The following ZNF785 variants were observed in gnomAD, a reference collection of about 807,000 sequenced individuals.
ZNF785 encodes zinc finger protein 785.
Under a neutral mutation model 11.3 loss-of-function variants are expected in ZNF785, and 15 were observed. That is an observed-to-expected ratio of 1.32 (90% CI 0.89 to 2.04). ZNF785 has a LOEUF of 2.04. Among genes scored for constraint, ZNF785 ranks in the 30% most tolerant of loss-of-function variants. The pLI, the probability that ZNF785 is intolerant of heterozygous loss-of-function variation, is 0.00. For missense variants in ZNF785, 572 were observed against 560.9 expected (o/e 1.02, Z -0.20); for synonymous variants, 221 against 231.0 (o/e 0.96, Z 0.39).
chr16:30,583,192 C>T lies in ZNF785; in HGVS notation c.586G>A (p.Gly196Arg). The T allele has an allele frequency of 1.9e-6, 3 of 1,614,048 alleles. No homozygotes were observed. The highest frequency in any genetic ancestry group is 1.7e-6 in the Non-Finnish European group (2 of 1,179,998). The change falls in exon 3 of 3, where the codon GGG (glycine) becomes AGG (arginine). Residue 196 changes from glycine (G) to arginine (R), a missense_variant. Physicochemically the swap from Gly to Arg is moderately radical, Grantham distance 125. Transcript: ENST00000395216. ...LLASHQRVHS[G>R]ERPFSCGQCQ... The stretch of plus-strand genomic sequence containing the variant: ...TGGCCGCAGGAGAAGGGCCGCTCCC[C>T]GGAGTGGACCCGCTGGTGGCTGGCC...
In ZNF785 at chr16:30,585,678, C is replaced by G; in HGVS notation, c.-67G>C. ...GGTGGAGATGCTGGCGCTTTCCTGT[C>G]TTTCCTCAGACAAGTCCGTAAGGGA... On this transcript the variant is annotated 5_prime_UTR_variant, in exon 1 of 3. Transcript: ENST00000395216. The surrounding 1 kb of genome is among the most constrained non-coding windows in gnomAD (Gnocchi z 4.0). 1 of 1,443,838 alleles carries G rather than the reference C, an allele frequency of 6.9e-7. No individual in the cohort carries two copies. Among genetic ancestry groups the G allele is most frequent in the Non-Finnish European group, 9.0e-7 (1 of 1,106,088 alleles). The allele number at this position is 1,443,838 out of a possible 1,614,324, so 89.4% of individuals were successfully genotyped here.
Position 30,585,558 on chromosome 16 carries a change from G to A in ZNF785, c.54C>T (p.Pro18=), listed in dbSNP as rs532989031. 7.1e-6 allele frequency: 11 copies of A among 1,558,244 alleles called. No homozygotes were observed. In the East Asian group the frequency reaches 2.2e-4, roughly 30 times the overall value. The change falls in exon 1 of 3, where the codon CCC becomes CCT. Residue 18 remains proline (P), a synonymous_variant. Transcript: ENST00000395216. The surrounding 1 kb of genome is among the most constrained non-coding windows in gnomAD (Gnocchi z 4.0). ...CCGGCCTGCTTTCCCTCGTCCTCCG[G>A]GGCCCGGCCTCCCCGGGTACGTGGG... ...RPAHVPGEAG[P]RRTRESRPGA... is the part of the protein sequence containing the mutation.
At chr16:30,583,751 G>T in intron 2 of ZNF785, 1 of 242,820 alleles carries the variant, frequency 4.1e-6, no homozygotes, top group Non-Finnish European at 7.9e-6. Flanking sequence ...AAGCACTTCA[G>T]GAGGCTGAGG....
downstream of ZNF785, chr16:30,578,713 T>G (rs2051770382): frequency 6.6e-6 from 1 of 152,014 alleles, no homozygotes; most frequent in African/African-American, 2.4e-5. Context: ...TTTTTTTTAG[T>G]AGAGACAGGG....
At position 30,582,787 on chromosome 16, in the gene ZNF785, G is replaced by A. The variant is rs762359046; in HGVS notation, c.991C>T (p.Arg331Trp). 3 of 1,606,776 alleles carry A rather than the reference G, an allele frequency of 1.9e-6. No homozygotes were observed. Among genetic ancestry groups the A allele is most frequent in the Admixed American group, 1.7e-5 (1 of 59,700 alleles). Residue 331 changes from arginine to tryptophan, a missense_variant, in exon 3 of 3, where the codon CGG (arginine) becomes TGG (tryptophan). Physicochemically the swap from Arg to Trp is moderately radical, Grantham distance 101. Transcript: ENST00000395216. Reference protein sequence around the residue: ...FTYSSLLLSHRRIHSDSRPFP... With the variant: ...FTYSSLLLSHWRIHSDSRPFP... The stretch of plus-strand genomic sequence containing the variant: ...GGCCGGCTGTCGGAGTGAATGCGCC[G>A]GTGACTGAGGAGGAGGGAAGAATAG...
chr16:30,584,061 C>T (rs2051857493), intron 2 of ZNF785, among the ~76,000 whole-genome samples: 1 of 151,602 alleles, frequency 6.6e-6, no homozygotes, highest in Non-Finnish European at 1.5e-5. Context: ...AGGAGAATCC[C>T]TGGAACTGGG....
rs766542575 is a variant in ZNF785 at position 30,582,745 on chromosome 16, A to T, written c.1033T>A (p.Cys345Ser). 8 of 1,608,572 alleles carry T rather than the reference A, an allele frequency of 5.0e-6. 1 individual carries two copies. In the South Asian group the frequency reaches 8.8e-5, roughly 18 times the overall value. Reference protein sequence around the residue: ...SDSRPFPCVECGKGFKRKTAL... With the variant: ...SDSRPFPCVESGKGFKRKTAL... ...GTCTTGCGCTTGAAGCCTTTCCCAC[A>T]CTCCACGCAGGGGAAGGGCCGGCTG... Residue 345 changes from cysteine to serine, a missense_variant, in exon 3 of 3, where the codon TGT becomes AGT. Transcript: ENST00000395216.
Position 30,581,476 on chromosome 16 carries a change from A to AG in ZNF785, c.*1083_*1084insC, listed in dbSNP as rs1394005755. 1 of 151,826 alleles carries AG rather than the reference A, an allele frequency of 6.6e-6. No individual in the cohort carries two copies. Among genetic ancestry groups the AG allele is most frequent in the Non-Finnish European group, 1.5e-5 (1 of 67,968 alleles). 9.4% of individuals were successfully genotyped at this position (151,826 alleles called of 1,614,324 possible). On this transcript the variant is annotated 3_prime_UTR_variant, in exon 3 of 3. Transcript: ENST00000395216. ...CTCTGTCTCAAAAAAAAAAAAAAAA[A>AG]AAAGAATCCTCCGGCATTATATCTC...
chr16:30,583,317 C>T lies in ZNF785; in HGVS notation c.461G>A (p.Arg154Lys). ...GAGCCAGGGATTCATGGGGCTCTGCCTAGGGTTGCAGAACTCTGGGCAGGC... is the reference window on the plus strand; with the variant it reads ...GAGCCAGGGATTCATGGGGCTCTGCTTAGGGTTGCAGAACTCTGGGCAGGC... ...SVACPEFCNPRQSPMNPWLKD... is the reference protein window; with the variant it reads ...SVACPEFCNPKQSPMNPWLKD... The change falls in exon 3 of 3, where the codon AGG becomes AAG. Residue 154 changes from arginine (R) to lysine (K), a missense_variant. Physicochemically the swap from Arg to Lys is conservative, Grantham distance 26. Transcript: ENST00000395216. The T allele has an allele frequency of 1.2e-6, 2 of 1,614,012 alleles. No individual in the cohort carries two copies. The highest frequency in any genetic ancestry group is 1.7e-6 in the Non-Finnish European group (2 of 1,179,926).
chr16:30,582,828 C>T lies in ZNF785; in HGVS notation c.950G>A (p.Cys317Tyr), dbSNP rs2051833170. 1.9e-6 allele frequency: 3 copies of T among 1,608,642 alleles called. No individual in the cohort carries two copies. Among genetic ancestry groups the T allele is most frequent in the Non-Finnish European group, 2.5e-6 (3 of 1,176,558 alleles). ...TGEKPYPCPD[C>Y]GRRFTYSSLL... ...GGAAGAATAGGTGAAGCGGCGGCCGCAGTCAGGACAGGGGTAGGGCTTCTC... is the reference window on the plus strand; with the variant it reads ...GGAAGAATAGGTGAAGCGGCGGCCGTAGTCAGGACAGGGGTAGGGCTTCTC... Residue 317 changes from cysteine (C) to tyrosine (Y), a missense_variant, in exon 3 of 3, where the codon TGC becomes TAC. Cys to Tyr is a radical substitution (Grantham distance 194). Coordinates refer to ENST00000395216, the MANE Select transcript of ZNF785 (RefSeq NM_152458.7).
chr16:30,583,251 T>G lies in ZNF785; in HGVS notation c.527A>C (p.Asp176Ala), dbSNP rs745784207. ...AGGGTAGCTGAAGTTGCGGCCACAG[T>G]CTGGGCAAGAGTGGGGCAGTCTTCG... The part of the protein sequence containing the change: ...LTRRLPHSCP[D>A]CGRNFSYPSL... Residue 176 changes from aspartate to alanine, a missense_variant, in exon 3 of 3, where the codon GAC becomes GCC. Coordinates refer to ENST00000395216, the MANE Select transcript of ZNF785 (RefSeq NM_152458.7). 6.2e-7 allele frequency: 1 copy of G among 1,613,832 alleles called. No individual in the cohort carries two copies. Among genetic ancestry groups the G allele is most frequent in the Admixed American group, 1.7e-5 (1 of 60,002 alleles).
intron 2 of ZNF785, among the ~76,000 whole-genome samples, chr16:30,584,380 A>G (rs144449000): frequency 0.021 from 3,144 of 151,600 alleles, 103 homozygotes; most frequent in African/African-American, 0.071. Flanking sequence ...GGTGGGGCAC[A>G]GTGACTTACG....
chr16:30,583,166 C>T lies in ZNF785; in HGVS notation c.612G>A (p.Gln204=). 6.2e-7 allele frequency: 1 copy of T among 1,613,950 alleles called. No homozygotes were observed. Among genetic ancestry groups the T allele is most frequent in the East Asian group, 2.2e-5 (1 of 44,882 alleles). The change falls in exon 3 of 3, where the codon CAG becomes CAA. Residue 204 remains glutamine (Q), a synonymous_variant. Coordinates refer to ENST00000395216, the MANE Select transcript of ZNF785 (RefSeq NM_152458.7). The part of the protein sequence containing the change: ...HSGERPFSCG[Q]CQARFSQRRY... ...TGCGCTGGGAGAAACGCGCCTGACA[C>T]TGGCCGCAGGAGAAGGGCCGCTCCC...
In ZNF785 at chr16:30,585,313, C is replaced by A; in HGVS notation, c.206-63G>T. ...GGAGGGGAGAATGAGACTGCTCCCTCGGCGCCCCGCTTCCAGCCCACTAGC... is the reference window on the plus strand; with the variant it reads ...GGAGGGGAGAATGAGACTGCTCCCTAGGCGCCCCGCTTCCAGCCCACTAGC... On this transcript the variant is annotated intron_variant, in intron 1 of 2. Transcript: ENST00000395216. This position sits in a 1 kb window ranked among gnomAD's most constrained non-coding sequence, Gnocchi z 4.0. 1 of 1,590,632 alleles carries A rather than the reference C, an allele frequency of 6.3e-7. No homozygotes were observed. The highest frequency in any genetic ancestry group is 2.3e-5 in the East Asian group (1 of 44,168).
Position 30,582,756 on chromosome 16 carries a change from G to A in ZNF785, c.1022C>T (p.Pro341Leu). Residue 341 changes from proline to leucine, a missense_variant, in exon 3 of 3, where the codon CCC (proline) becomes CTC (leucine). Physicochemically the swap from Pro to Leu is moderately conservative, Grantham distance 98. Coordinates refer to ENST00000395216, the MANE Select transcript of ZNF785 (RefSeq NM_152458.7). ...RRIHSDSRPF[P>L]CVECGKGFKR... Reference sequence around the variant, plus strand: ...GAAGCCTTTCCCACACTCCACGCAGGGGAAGGGCCGGCTGTCGGAGTGAAT... The same window carrying A: ...GAAGCCTTTCCCACACTCCACGCAGAGGAAGGGCCGGCTGTCGGAGTGAAT... The A allele has an allele frequency of 6.2e-7, 1 of 1,607,982 alleles. No homozygotes were observed. Among genetic ancestry groups the A allele is most frequent in the South Asian group, 1.1e-5 (1 of 90,648 alleles).
rs750261608 is a variant in ZNF785, at chr16:30,582,977, G to A, written c.801C>T (p.Tyr267=). ...GCTGGTGGATGGCCAGCAGGTAGGG[G>A]TAAGTGAAGCGACTCTTGCAGTCTG... ...ACSDCKSRFT[Y]PYLLAIHQRK... Residue 267 remains tyrosine (Y), a synonymous_variant, in exon 3 of 3, where the codon TAC becomes TAT. Coordinates refer to ENST00000395216, the MANE Select transcript of ZNF785 (RefSeq NM_152458.7). 5.6e-6 allele frequency: 9 copies of A among 1,613,992 alleles called. No homozygotes were observed. The highest frequency in any genetic ancestry group is 1.7e-5 in the Admixed American group (1 of 60,008).
In ZNF785 at chr16:30,585,362, T is replaced by C. The variant is rs752721886; in HGVS notation, c.205+45A>G. The C allele has an allele frequency of 6.4e-7, 1 of 1,572,964 alleles. No individual in the cohort carries two copies. The highest frequency in any genetic ancestry group is 8.6e-7 in the Non-Finnish European group (1 of 1,161,826). On this transcript the variant is annotated intron_variant, in intron 1 of 2. Transcript: ENST00000395216. This position sits in a 1 kb window ranked among gnomAD's most constrained non-coding sequence, Gnocchi z 4.0. Reference sequence around the variant, plus strand: ...GCCTCTGGGGACACCGATCACCGCTTCCCACCGACGGACTGGGGGTCCCGG... The same window carrying C: ...GCCTCTGGGGACACCGATCACCGCTCCCCACCGACGGACTGGGGGTCCCGG...
chr16:30,582,331 C>T lies in ZNF785; in HGVS notation c.*229G>A, dbSNP rs79199963. 4,370 of 594,574 alleles carry T rather than the reference C, an allele frequency of 7.3e-3. 132 individuals carry two copies. The highest frequency in any genetic ancestry group is 0.07 in the African/African-American group (3,753 of 53,750). 36.8% of individuals were successfully genotyped at this position (594,574 alleles called of 1,614,324 possible). Reference sequence around the variant, plus strand: ...GAATGGTTTTCAGTGAAGGATGGGACGTGAACACGGGGCCCTGTGTGCTGG... The same window carrying T: ...GAATGGTTTTCAGTGAAGGATGGGATGTGAACACGGGGCCCTGTGTGCTGG... On this transcript the variant is annotated 3_prime_UTR_variant, in exon 3 of 3. Coordinates refer to ENST00000395216, the MANE Select transcript of ZNF785 (RefSeq NM_152458.7).
At position 30,582,925 on chromosome 16, in the gene ZNF785, T is replaced by A; in HGVS notation, c.853A>T (p.Ser285Cys). The A allele has an allele frequency of 6.2e-7, 1 of 1,611,656 alleles. No individual in the cohort carries two copies. Among genetic ancestry groups the A allele is most frequent in the Non-Finnish European group, 8.5e-7 (1 of 1,179,478 alleles). The stretch of plus-strand genomic sequence containing the variant: ...AAACGGAGGCTGCAATCGGGGCAGC[T>A]GTAGGGCTTCTCGCCCGTGTGCTTG... Reference protein sequence around the residue: ...QRKHTGEKPYSCPDCSLRFAY... With the variant: ...QRKHTGEKPYCCPDCSLRFAY... Residue 285 changes from serine (S) to cysteine (C), a missense_variant, in exon 3 of 3, where the codon AGC becomes TGC. Physicochemically the swap from Ser to Cys is moderately radical, Grantham distance 112. Transcript: ENST00000395216.
Sources: gnomAD v4.1 joint callset for allele counts (sites outside exome capture counted in the v4.1 genomes callset) on GRCh38, gnomAD v4.1.1 for gene constraint, Gnocchi (gnomAD v3.1) non-coding constraint, MANE v1.5 for transcripts, NCBI Gene and HGNC (gene_info 2026-07-23, HGNC 2026-07-21) for gene names.